The following PDE11A variants were observed in gnomAD, a reference collection of about 807,000 sequenced individuals.
PDE11A encodes phosphodiesterase 11A.
In PDE11A, 100 loss-of-function variants were observed where a neutral mutation model predicts 100.5. That is an observed-to-expected ratio of 1.00 (90% CI 0.85 to 1.18). PDE11A has a LOEUF of 1.18. Among genes scored for constraint, PDE11A ranks in the 50% most tolerant of loss-of-function variants. The pLI is 0.00. For synonymous variants in PDE11A, 381 were observed against 420.8 expected (o/e 0.91, Z 1.16); for missense variants, 1,141 against 1,152.6 (o/e 0.99, Z 0.15).
chr2:178,038,056 G>A (rs939179856), intron 1 of PDE11A, among the ~76,000 whole-genome samples: 2 of 151,742 alleles, frequency 1.3e-5, no homozygotes, highest in African/African-American at 2.4e-5. Context: ...AAATTGCTAA[G>A]GGTTATAGAT....
intron 1 of PDE11A, among the ~76,000 whole-genome samples, chr2:178,063,763 G>A (rs1409960654): frequency 1.3e-5 from 2 of 152,172 alleles, no homozygotes; most frequent in Admixed American, 6.5e-5. Context: ...ACCCTCAAAA[G>A]GGAGTTCTTC....
At chr2:177,900,323 G>C (rs1348534499) in intron 3 of PDE11A, among the ~76,000 whole-genome samples, 1 of 152,210 alleles carries the variant, frequency 6.6e-6, no homozygotes, top group Non-Finnish European at 1.5e-5. Context: ...TTCATGAATT[G>C]TCAAATTCAC....
intron 19 of PDE11A, among the ~76,000 whole-genome samples, chr2:177,652,334 C>T (rs1185496310): frequency 6.6e-6 from 1 of 152,176 alleles, no homozygotes; most frequent in Non-Finnish European, 1.5e-5. Flanking sequence ...GCAGAGTCCT[C>T]AAGTAAGACT....
intron 9 of PDE11A, among the ~76,000 whole-genome samples, chr2:177,785,689 T>A (rs1413828735): frequency 6.6e-6 from 1 of 152,302 alleles, no homozygotes; most frequent in Non-Finnish European, 1.5e-5. Flanking sequence ...ACCCTAATAC[T>A]GCGCTTTTCC....
intron 14 of PDE11A, among the ~76,000 whole-genome samples, chr2:177,698,979 G>C (rs1242965257): frequency 6.6e-6 from 1 of 152,172 alleles, no homozygotes; most frequent in African/African-American, 2.4e-5. Context: ...TTAAGAGCAA[G>C]TTACAGTAAA....
chr2:177,940,823 C>G (rs967577193), intron 2 of PDE11A, among the ~76,000 whole-genome samples: 2 of 152,166 alleles, frequency 1.3e-5, no homozygotes, highest in Non-Finnish European at 2.9e-5. Context: ...ATCGTTTACC[C>G]TCTATCTTGC....
intron 9 of PDE11A, among the ~76,000 whole-genome samples, chr2:177,812,413 A>C (rs1254682941): frequency 1.3e-5 from 2 of 152,136 alleles, no homozygotes; most frequent in Non-Finnish European, 2.9e-5. Context: ...CTCCTTCTGC[A>C]GGGGACACTG....
intron 5 of PDE11A, among the ~76,000 whole-genome samples, chr2:177,868,026 G>A (rs975022154): frequency 1.3e-5 from 2 of 152,192 alleles, no homozygotes; most frequent in African/African-American, 4.8e-5. Flanking sequence ...GGGCCATGGT[G>A]GCTGGAAATC....
intron 10 of PDE11A, among the ~76,000 whole-genome samples, chr2:177,756,045 A>G (rs2082086477): frequency 6.6e-6 from 1 of 152,208 alleles, no homozygotes; most frequent in Admixed American, 6.5e-5. Flanking sequence ...GGGCTTTTAC[A>G]TACTATATAG....
chr2:177,764,126 C>T (rs1360462835), intron 10 of PDE11A, among the ~76,000 whole-genome samples: 1 of 152,166 alleles, frequency 6.6e-6, no homozygotes, highest in Non-Finnish European at 1.5e-5. Context: ...GTCATAAGAT[C>T]CTATTTTTGA....
At chr2:178,014,256 A>T in intron 2 of PDE11A, 46 bp downstream of exon 2, 1 of 1,445,016 alleles carries the variant, frequency 6.9e-7, no homozygotes, top group East Asian at 2.3e-5. Context: ...ATAGCAATCA[A>T]TGACCAAGAA....
intron 10 of PDE11A, among the ~76,000 whole-genome samples, chr2:177,761,022 T>C (rs2082160698): frequency 6.6e-6 from 1 of 151,992 alleles, no homozygotes; most frequent in Non-Finnish European, 1.5e-5. Context: ...GTTTTGAAGG[T>C]CAAAAAAATA....
chr2:177,898,122 C>A lies in PDE11A; in HGVS notation c.1238G>T (p.Arg413Leu). 1 of 1,611,256 alleles carries A rather than the reference C, an allele frequency of 6.2e-7. No homozygotes were observed. Among genetic ancestry groups the A allele is most frequent in the Non-Finnish European group, 8.5e-7 (1 of 1,177,492 alleles). Residue 413 changes from arginine (R) to leucine (L), a missense_variant, in exon 4 of 20, where the codon CGG becomes CTG. Arg to Leu is a moderately radical substitution (Grantham distance 102, BLOSUM62 -2). Coordinates refer to ENST00000286063, the MANE Select transcript of PDE11A (RefSeq NM_016953.4). ...LEKIVKKIMH[R>L]AQTLLKCERC... is the part of the protein sequence containing the mutation. Reference sequence around the variant, plus strand: ...TTCACATTTCAGCAGAGTTTGGGCCCGATGCATTATTTTCTTGACAATTTT... The same window carrying A: ...TTCACATTTCAGCAGAGTTTGGGCCAGATGCATTATTTTCTTGACAATTTT...
chr2:178,080,163 C>A (rs2087266220), intron 2 of PDE11A, among the ~76,000 whole-genome samples: 1 of 152,102 alleles, frequency 6.6e-6, no homozygotes, highest in Non-Finnish European at 1.5e-5. Flanking sequence ...TCCCATTTGT[C>A]AATTTTTGCA....
intron 15 of PDE11A, among the ~76,000 whole-genome samples, chr2:177,695,256 G>T (rs2081094996): frequency 6.6e-6 from 1 of 152,000 alleles, no homozygotes; most frequent in Admixed American, 6.6e-5. Flanking sequence ...TGCACAGAAT[G>T]TGCCATGATC....
Position 177,639,544 on chromosome 2 carries a change from C to G in PDE11A, c.2647-9982G>C, listed in dbSNP as rs1250677031. Among the ~76,000 whole-genome samples the G allele has an allele frequency of 2.0e-5, 3 of 152,208 alleles. No homozygotes were observed. The East Asian group carries it at 5.8e-4, about 29-fold the overall frequency. The stretch of plus-strand genomic sequence containing the variant: ...TGGCTGAGAGTGGGGTTAGGATGTT[C>G]TGACCTGCTACAAAATCCTGCTGTA... On this transcript the variant is annotated intron_variant, in intron 19 of 19. Coordinates refer to ENST00000286063, the MANE Select transcript of PDE11A (RefSeq NM_016953.4).
chr2:177,680,464 T>C (rs73042850), intron 16 of PDE11A, among the ~76,000 whole-genome samples: 2,243 of 152,178 alleles, frequency 0.015, 22 homozygotes, highest in South Asian at 0.034. Flanking sequence ...AAAGCAAAAG[T>C]TACTCCCCAC....
intron 15 of PDE11A, among the ~76,000 whole-genome samples, chr2:177,681,308 T>C (rs543492408): frequency 3.9e-5 from 6 of 152,360 alleles, no homozygotes; most frequent in Non-Finnish European, 7.3e-5. Context: ...TGCATGATGA[T>C]CCAAGATAAG....
chr2:177,967,602 C>T (rs2085715287), intron 2 of PDE11A, among the ~76,000 whole-genome samples: 1 of 151,962 alleles, frequency 6.6e-6, no homozygotes, highest in Non-Finnish European at 1.5e-5. Flanking sequence ...AGGATTGTTA[C>T]AAGCTTAAAG....
Sources: allele counts gnomAD v4.1 joint callset (sites outside exome capture counted in the v4.1 genomes callset), GRCh38; gene constraint gnomAD v4.1.1; transcripts MANE v1.5; gene names NCBI Gene and HGNC (gene_info 2026-07-23, HGNC 2026-07-21).